Variants in NRXN1 observed in about 807,000 individuals in gnomAD.
NRXN1 encodes neurexin-1.
NRXN1 carries 39 observed loss-of-function variants against 150.9 expected under a neutral mutation model. The observed-to-expected ratio is 0.26, with a 90% CI of 0.20 to 0.34. The LOEUF (loss-of-function observed/expected upper bound fraction) is 0.34. Among genes scored for constraint, NRXN1 ranks in the 10% least tolerant of loss-of-function variants. NRXN1 has a pLI of 1.00. For synonymous variants in NRXN1, 924 were observed against 757.0 expected (o/e 1.22, Z -3.62); for missense variants, 1,815 against 1,949.9 (o/e 0.93, Z 1.30).
Position 51,028,142 on chromosome 2 carries a change from G to A in NRXN1, c.132C>T (p.Pro44=). 6.4e-7 allele frequency: 1 copy of A among 1,551,578 alleles called. No homozygotes were observed. Among genetic ancestry groups the A allele is most frequent in the South Asian group, 1.2e-5 (1 of 84,738 alleles). ...PGAEGQWTRF[P]KWNACCESEM... is the part of the protein sequence containing the mutation. ...CGCTCTCGCAGCAGGCGTTCCACTT[G>A]GGGAAGCGCGTCCATTGGCCCTCGG... The change falls in exon 2 of 23, where the codon CCC becomes CCT. Residue 44 remains proline, a synonymous_variant. Transcript: ENST00000401669.
intron 5 of NRXN1, among the ~76,000 whole-genome samples, chr2:50,903,222 T>G (rs1232961085): frequency 1.3e-5 from 2 of 152,154 alleles, no homozygotes; most frequent in Non-Finnish European, 2.9e-5. Flanking sequence ...GAGGACCCTT[T>G]GCAATCTCTT....
At position 50,585,795 on chromosome 2, in the gene NRXN1, A is replaced by G. The variant is rs529381635; in HGVS notation, c.1321-32770T>C. Among the ~76,000 whole-genome samples the G allele has an allele frequency of 3.3e-5, 5 of 152,252 alleles. No homozygotes were observed. The South Asian group carries it at 1.0e-3, about 32-fold the overall frequency. On this transcript the variant is annotated intron_variant, in intron 8 of 22. Transcript: ENST00000401669. ...CAAGAAGAGCAGTGTACTCATTCAGATGATTCATTCATATTGCCAACTTCA... is the reference window on the plus strand; with the variant it reads ...CAAGAAGAGCAGTGTACTCATTCAGGTGATTCATTCATATTGCCAACTTCA...
At chr2:50,999,920 G>A (rs996022776) in intron 2 of NRXN1, among the ~76,000 whole-genome samples, 2 of 151,916 alleles carry the variant, frequency 1.3e-5, no homozygotes, top group African/African-American at 2.4e-5. Context: ...TCTCTATGAC[G>A]AATGAAACAG....
chr2:50,843,274 A>G (rs775586790), intron 5 of NRXN1, among the ~76,000 whole-genome samples: 2 of 152,182 alleles, frequency 1.3e-5, no homozygotes, highest in African/African-American at 2.4e-5. Context: ...TTTTCCTCCA[A>G]TGGAGACTTT....
chr2:50,144,762 C>T (rs539183023), intron 18 of NRXN1, among the ~76,000 whole-genome samples: 2 of 151,730 alleles, frequency 1.3e-5, no homozygotes, highest in Admixed American at 6.6e-5. Context: ...ATTTCTGTTA[C>T]TAGAAATTAT....
At chr2:50,915,878 C>T (rs1341440982) in intron 5 of NRXN1, among the ~76,000 whole-genome samples, 2 of 150,136 alleles carry the variant, frequency 1.3e-5, no homozygotes, top group Non-Finnish European at 3.0e-5. Flanking sequence ...ATCCATATTA[C>T]AGATCATAAG....
At chr2:50,773,175 A>G (rs886465945) in intron 5 of NRXN1, among the ~76,000 whole-genome samples, 5 of 152,186 alleles carry the variant, frequency 3.3e-5, no homozygotes, top group African/African-American at 9.6e-5. Context: ...AATCTGTCTC[A>G]TCTCCATTAT....
rs564840089 is a variant in NRXN1, at chr2:50,667,363, T to C, written c.833-43748A>G. Among the ~76,000 whole-genome samples, 15 of 152,064 alleles carry C rather than the reference T, an allele frequency of 9.9e-5. No homozygotes were observed. In the South Asian group the frequency reaches 3.1e-3, roughly 31 times the overall value. ...AGTGTTACAAATAGCACTTGGTGAA[T>C]GAAGGGCTTCAAATTATTAGAAGGA... On this transcript the variant is annotated intron_variant, in intron 5 of 22. Transcript: ENST00000401669.
intron 18 of NRXN1, among the ~76,000 whole-genome samples, chr2:50,112,561 T>C (rs938083869): frequency 6.6e-5 from 10 of 152,210 alleles, no homozygotes; most frequent in African/African-American, 2.4e-4. Flanking sequence ...AGGCATCCTT[T>C]GAAATACACT....
At chr2:49,977,564 G>A (rs969181383) in intron 21 of NRXN1, among the ~76,000 whole-genome samples, 8 of 152,160 alleles carry the variant, frequency 5.3e-5, no homozygotes, top group African/African-American at 1.7e-4. Context: ...TTTAGATGGA[G>A]AAGAGAAGGG....
chr2:50,361,571 C>T (rs967471402), intron 17 of NRXN1, among the ~76,000 whole-genome samples: 5 of 152,036 alleles, frequency 3.3e-5, no homozygotes, highest in African/African-American at 7.2e-5. Flanking sequence ...AGGAAGAAGT[C>T]GAATCCTTGA....
At chr2:50,885,166 A>C (rs552471745) in intron 5 of NRXN1, among the ~76,000 whole-genome samples, 1 of 151,524 alleles carries the variant, frequency 6.6e-6, no homozygotes, top group Non-Finnish European at 1.5e-5. Context: ...TTTATGCAAC[A>C]GTTTTAGAAT....
intron 5 of NRXN1, among the ~76,000 whole-genome samples, chr2:50,669,209 C>T (rs1329746464): frequency 2.6e-5 from 4 of 151,774 alleles, no homozygotes; most frequent in Admixed American, 6.6e-5. Flanking sequence ...AGTTCGACCC[C>T]GGTGACAGGC....
intron 5 of NRXN1, among the ~76,000 whole-genome samples, chr2:50,729,945 G>A (rs1697882579): frequency 6.6e-6 from 1 of 152,160 alleles, no homozygotes; most frequent in Non-Finnish European, 1.5e-5. Flanking sequence ...TCCACAGGCT[G>A]CTTCTGAGTG....
intron 5 of NRXN1, among the ~76,000 whole-genome samples, chr2:50,910,819 G>A (rs557456985): frequency 1.5e-4 from 23 of 152,060 alleles, no homozygotes; most frequent in Admixed American, 1.1e-3. Context: ...GACCAAAAAA[G>A]TAAGATTCAG....
At chr2:50,139,739 T>C (rs930274517) in intron 18 of NRXN1, among the ~76,000 whole-genome samples, 6 of 152,184 alleles carry the variant, frequency 3.9e-5, no homozygotes, top group African/African-American at 1.4e-4. Flanking sequence ...ATTTTCTTCT[T>C]ACTCGACTAG....
chr2:50,742,908 A>G (rs1699601395), intron 5 of NRXN1, among the ~76,000 whole-genome samples: 1 of 152,192 alleles, frequency 6.6e-6, no homozygotes, highest in Non-Finnish European at 1.5e-5. Context: ...GAAGTTCAGT[A>G]GATAGACCCA....
chr2:50,313,726 C>CT (rs1384521684), intron 17 of NRXN1, among the ~76,000 whole-genome samples: 1 of 152,008 alleles, frequency 6.6e-6, no homozygotes, highest in East Asian at 1.9e-4. Context: ...GAATCAGATC[C>CT]TTTTTTGGAA....
intron 18 of NRXN1, among the ~76,000 whole-genome samples, chr2:50,127,980 T>C (rs1432326989): frequency 3.3e-5 from 5 of 152,210 alleles, no homozygotes; most frequent in Non-Finnish European, 7.4e-5. Flanking sequence ...TACTCCCCAG[T>C]TACTTTCGTT....
Sources: gnomAD v4.1 joint callset for allele counts (sites outside exome capture counted in the v4.1 genomes callset) on GRCh38, gnomAD v4.1.1 for gene constraint, MANE v1.5 for transcripts, NCBI Gene and HGNC (gene_info 2026-07-23, HGNC 2026-07-21) for gene names.